The following CCDC171 variants were observed in gnomAD, a reference collection of about 807,000 sequenced individuals.
CCDC171 encodes the protein coiled-coil domain containing 171.
CCDC171 carries 177 observed loss-of-function variants against 168.2 expected under a neutral mutation model. The observed-to-expected ratio is 1.05, with a 90% CI of 0.93 to 1.19. CCDC171 has a LOEUF of 1.19. CCDC171 is among the 50% of genes most tolerant of loss of function. The pLI is 0.00. For missense variants in CCDC171, 1,991 were observed against 1,539.0 expected (o/e 1.29, Z -4.91); for synonymous variants, 687 against 540.8 (o/e 1.27, Z -3.75).
chr9:15,718,626 G>C (rs1035176390), intron 11 of CCDC171, among the ~76,000 whole-genome samples: 2 of 152,218 alleles, frequency 1.3e-5, no homozygotes, highest in Non-Finnish European at 2.9e-5. Flanking sequence ...TCAGCACAGA[G>C]AGACTCTGTT....
At chr9:15,713,537 T>A (rs2052842346) in intron 11 of CCDC171, among the ~76,000 whole-genome samples, 1 of 152,112 alleles carries the variant, frequency 6.6e-6, no homozygotes, top group Non-Finnish European at 1.5e-5. Flanking sequence ...GATCACACAG[T>A]AACCGTTTCA....
intron 25 of CCDC171, among the ~76,000 whole-genome samples, chr9:15,959,339 A>T (rs562822144): frequency 4.6e-5 from 7 of 152,240 alleles, no homozygotes; most frequent in Non-Finnish European, 8.8e-5. Context: ...CTAATTCATT[A>T]TCTGTGCTTA....
At chr9:16,038,780 A>G (rs1280529710), upstream of CCDC171, among the ~76,000 whole-genome samples, 1 of 151,792 alleles carries the variant, frequency 6.6e-6, no homozygotes, top group East Asian at 1.9e-4. Flanking sequence ...TGAAAAAATT[A>G]AAATCTATGT....
chr9:15,588,776 C>T lies in CCDC171; in HGVS notation c.353-2590C>T, dbSNP rs185808511. 7.0e-3 allele frequency among the ~76,000 whole-genome samples: 1,050 copies of T among 149,124 alleles called. 12 individuals carry two copies. Among genetic ancestry groups the T allele is most frequent in the African/African-American group, 0.025 (988 of 40,300 alleles). On this transcript the variant is annotated intron_variant, in intron 4 of 25. Coordinates refer to ENST00000380701, the MANE Select transcript of CCDC171 (RefSeq NM_173550.4). ...AGGCTGGAGTGCAGTGGCACGACCT[C>T]GGCTCACTGCAAGCTCCACCTCCCG...
At chr9:15,575,812 A>G (rs768424178) in intron 3 of CCDC171, among the ~76,000 whole-genome samples, 2 of 152,136 alleles carry the variant, frequency 1.3e-5, no homozygotes, top group Admixed American at 1.3e-4. Flanking sequence ...TAGTTACAGG[A>G]TGGGTGCCAT....
intron 21 of CCDC171, among the ~76,000 whole-genome samples, chr9:15,845,436 C>A (rs1292702752): frequency 2.0e-5 from 3 of 151,952 alleles, no homozygotes; most frequent in Admixed American, 6.6e-5. Flanking sequence ...TTAAAACTTT[C>A]AACATTTAAA....
chr9:15,825,399 A>G (rs1443734711), intron 21 of CCDC171, among the ~76,000 whole-genome samples: 1 of 152,160 alleles, frequency 6.6e-6, no homozygotes, highest in Admixed American at 6.5e-5. Context: ...CTAATAATGT[A>G]ACCACTATAA....
At chr9:15,576,898 G>T (rs953426466) in intron 3 of CCDC171, among the ~76,000 whole-genome samples, 2 of 152,310 alleles carry the variant, frequency 1.3e-5, no homozygotes, top group Middle Eastern at 3.4e-3. Flanking sequence ...AAATCCTCCT[G>T]CAAGGCAGCT....
chr9:15,963,270 A>C (rs1453918754), intron 25 of CCDC171, among the ~76,000 whole-genome samples: 1 of 152,150 alleles, frequency 6.6e-6, no homozygotes, highest in African/African-American at 2.4e-5. Context: ...ATCATGGCAC[A>C]TGTATACATA....
chr9:15,744,716 C>G lies in CCDC171; in HGVS notation c.2493C>G (p.Phe831Leu). 1.9e-6 allele frequency: 3 copies of G among 1,614,012 alleles called. No individual in the cohort carries two copies. Among genetic ancestry groups the G allele is most frequent in the Non-Finnish European group, 2.5e-6 (3 of 1,179,988 alleles). The part of the protein sequence containing the change: ...CASLFTWMES[F>L]KEGIGMLVCT... ...CTCTTTTTACCTGGATGGAGAGTTT[C>G]AAAGAAGGCATAGGCATGTTAGTGT... The change falls in exon 17 of 26, where the codon TTC becomes TTG. Residue 831 changes from phenylalanine to leucine, a missense_variant. Phe to Leu is a conservative substitution (Grantham distance 22). Coordinates refer to ENST00000380701, the MANE Select transcript of CCDC171 (RefSeq NM_173550.4).
Position 15,866,541 on chromosome 9 carries a change from AT to A in CCDC171, c.3469-7989del, listed in dbSNP as rs1036085037. On this transcript the variant is annotated intron_variant, in intron 23 of 25. Coordinates refer to ENST00000380701, the MANE Select transcript of CCDC171 (RefSeq NM_173550.4). ...CAGCCTTTTTGCTTTAATTATTTTT[AT>A]TAAGTAGGGAGAAAGGAGACAATGA... Among the ~76,000 whole-genome samples the A allele has an allele frequency of 7.4e-4, 112 of 152,136 alleles. 1 individual carries two copies. Among genetic ancestry groups the A allele is most frequent in the African/African-American group, 2.5e-3 (103 of 41,554 alleles).
chr9:15,566,569 A>C (rs1187212335), intron 2 of CCDC171, among the ~76,000 whole-genome samples: 2 of 152,238 alleles, frequency 1.3e-5, no homozygotes, highest in Admixed American at 1.3e-4. Context: ...AACAACAACA[A>C]CAACAAAAAA....
chr9:16,085,097 C>G, the CCDC171 span, among the ~76,000 whole-genome samples: 1 of 152,206 alleles, frequency 6.6e-6, no homozygotes, highest in African/African-American at 2.4e-5. Context: ...AGGGGCCCTA[C>G]TGAACTGGAG....
intron 7 of CCDC171, among the ~76,000 whole-genome samples, chr9:15,645,805 C>T (rs897961549): frequency 1.1e-4 from 17 of 152,116 alleles, no homozygotes; most frequent in African/African-American, 2.9e-4. Context: ...AGAATGGAAC[C>T]GAGTTGGAAA....
At chr9:15,969,005 G>T (rs1003123071) in intron 25 of CCDC171, among the ~76,000 whole-genome samples, 5 of 152,058 alleles carry the variant, frequency 3.3e-5, no homozygotes, top group African/African-American at 4.8e-5. Flanking sequence ...CTATACTTTT[G>T]GGGGGTACAA....
chr9:15,668,099 A>G (rs962403112), intron 9 of CCDC171, among the ~76,000 whole-genome samples: 4 of 152,240 alleles, frequency 2.6e-5, no homozygotes, highest in Non-Finnish European at 5.9e-5. Flanking sequence ...ACCTACAAGT[A>G]AAACTGTAAG....
intron 11 of CCDC171, among the ~76,000 whole-genome samples, chr9:15,718,152 C>A (rs2053213150): frequency 6.6e-6 from 1 of 152,190 alleles, no homozygotes; most frequent in Non-Finnish European, 1.5e-5. Flanking sequence ...CACAAGCTGA[C>A]TGAAGAGCTC....
intron 24 of CCDC171, among the ~76,000 whole-genome samples, chr9:15,893,668 CAT>C (rs1417903736): frequency 2.8e-4 from 42 of 152,138 alleles, no homozygotes; most frequent in Non-Finnish European, 5.7e-4. Flanking sequence ...GGCCAACAAA[CAT>C]ATGAAAAAAA....
intron 21 of CCDC171, among the ~76,000 whole-genome samples, chr9:15,834,838 G>T (rs2060373544): frequency 6.6e-6 from 1 of 152,218 alleles, no homozygotes; most frequent in South Asian, 2.1e-4. Flanking sequence ...TATGATAGAT[G>T]AAACAGGATG....
Sources: allele counts gnomAD v4.1 joint callset (sites outside exome capture counted in the v4.1 genomes callset), GRCh38; gene constraint gnomAD v4.1.1; transcripts MANE v1.5; gene names NCBI Gene and HGNC (gene_info 2026-07-23, HGNC 2026-07-21).